CUBN: variants seen among roughly 807,000 people sequenced by gnomAD.
The protein encoded by CUBN is 460 kDa receptor.
CUBN carries 282 observed loss-of-function variants against 405.3 expected under a neutral mutation model. The observed-to-expected ratio is 0.70, with a 90% CI of 0.63 to 0.77. The LOEUF (loss-of-function observed/expected upper bound fraction) is 0.77. CUBN is among the 30% of genes least tolerant of loss of function. CUBN has a pLI of 0.00. For synonymous variants in CUBN, 1,684 were observed against 1,617.0 expected, an observed-to-expected ratio of 1.04 and a Z score of -0.99; for missense variants, 4,514 against 4,475.2, an observed-to-expected ratio of 1.01 and a Z score of -0.25.
At position 17,103,163 on chromosome 10, in the gene CUBN, C is replaced by A; in HGVS notation, c.1492G>T (p.Val498Phe). 1 of 1,613,840 alleles carries A rather than the reference C, an allele frequency of 6.2e-7. No individual in the cohort carries two copies. The highest frequency in any genetic ancestry group is 8.5e-7 in the Non-Finnish European group (1 of 1,179,818). Reference protein sequence around the residue: ...RSPDVGYVHDVNCFWVIKTEM... With the variant: ...RSPDVGYVHDFNCFWVIKTEM... ...GTTTTGATAACCCAGAAGCAGTTAA[C>A]ATCATGAACATAACCAACATCCGGG... Residue 498 changes from valine (V) to phenylalanine (F), a missense_variant, in exon 13 of 67, where the codon GTT becomes TTT. By Grantham distance (50) the Val-to-Phe change is conservative. Transcript: ENST00000377833.
At chr10:17,032,506 G>A (rs930153722) in intron 27 of CUBN, among the ~76,000 whole-genome samples, 1 of 152,138 alleles carries the variant, frequency 6.6e-6, no homozygotes, top group Non-Finnish European at 1.5e-5. Context: ...CTGTTCTCCT[G>A]TGAGCATACT....
At chr10:16,842,522 CTCTT>C (rs934748364) in intron 60 of CUBN, among the ~76,000 whole-genome samples, 6 of 152,162 alleles carry the variant, frequency 3.9e-5, no homozygotes, top group African/African-American at 1.4e-4. Context: ...CTCTCTCTCT[CTCTT>C]CACTCCACAA....
At chr10:16,875,917 C>T (rs572615853) in intron 57 of CUBN, among the ~76,000 whole-genome samples, 19 of 152,210 alleles carry the variant, frequency 1.2e-4, no homozygotes, top group East Asian at 9.7e-4. Flanking sequence ...AACAAGACGA[C>T]GGGAGAGGAA....
chr10:16,912,761 A>G (rs1202547665), intron 48 of CUBN, among the ~76,000 whole-genome samples: 1 of 152,160 alleles, frequency 6.6e-6, no homozygotes, highest in African/African-American at 2.4e-5. Flanking sequence ...GAGATAAGAC[A>G]AACAGGTAGA....
chr10:17,090,074 C>T (rs1213794673), intron 14 of CUBN, among the ~76,000 whole-genome samples: 1 of 152,208 alleles, frequency 6.6e-6, no homozygotes, highest in Admixed American at 6.5e-5. Context: ...CACGATCGCA[C>T]CCTGTCTCAA....
intron 50 of CUBN, among the ~76,000 whole-genome samples, chr10:16,904,536 A>G (rs1158681020): frequency 1.3e-5 from 2 of 152,240 alleles, no homozygotes; most frequent in African/African-American, 4.8e-5. Context: ...TTTCTTCACT[A>G]TATTCAATCA....
intron 31 of CUBN, among the ~76,000 whole-genome samples, chr10:16,964,993 A>G (rs540487077): frequency 6.6e-6 from 1 of 152,200 alleles, no homozygotes; most frequent in South Asian, 2.1e-4. Context: ...TTTCTCCCTT[A>G]CCTACATTTC....
intron 54 of CUBN, among the ~76,000 whole-genome samples, chr10:16,893,901 A>C (rs1841107233): frequency 6.6e-6 from 1 of 152,208 alleles, no homozygotes; most frequent in South Asian, 2.1e-4. Flanking sequence ...GGTAAATATT[A>C]TGCAATTGGT....
chr10:17,042,476 T>A (rs567119381), intron 26 of CUBN, among the ~76,000 whole-genome samples: 6 of 152,274 alleles, frequency 3.9e-5, no homozygotes, highest in African/African-American at 1.4e-4. Context: ...TTGCCTCTTA[T>A]GTGCACTCAT....
At chr10:17,043,705 C>T (rs910940814) in intron 26 of CUBN, 122 bp downstream of exon 26, 50 of 1,360,276 alleles carry the variant, frequency 3.7e-5, no homozygotes, top group Non-Finnish European at 5.1e-5. Context: ...AATTTGAAGG[C>T]CCACTCTAGG....
intron 27 of CUBN, 73 bp from the exon 28 acceptor site, chr10:17,020,056 G>C (rs1216208848): frequency 6.4e-7 from 1 of 1,552,082 alleles, no homozygotes; most frequent in South Asian, 1.1e-5. Flanking sequence ...GTCTACACAA[G>C]TAGCAAAAGC....
chr10:16,915,140 T>C lies in CUBN; in HGVS notation c.7243A>G (p.Ile2415Val), dbSNP rs1273599390. ...CTAGAAGTGTCTATGCTGTCAGGAATGGTGTTTCCACAGTATCTGCCCAAG... is the reference window on the plus strand; with the variant it reads ...CTAGAAGTGTCTATGCTGTCAGGAACGGTGTTTCCACAGTATCTGCCCAAG... The part of the protein sequence containing the change: ...NILGRYCGNT[I>V]PDSIDTSSNT... Residue 2415 changes from isoleucine to valine, a missense_variant, in exon 47 of 67, where the codon ATT becomes GTT. By Grantham distance (29) the Ile-to-Val change is conservative. Around this residue, in one of 5 missense-constraint regions of CUBN, gnomAD observed 1,613 missense variants for 1,542.8 expected, o/e 1.05. Transcript: ENST00000377833. 1 of 1,613,934 alleles carries C rather than the reference T, an allele frequency of 6.2e-7. No individual in the cohort carries two copies. Among genetic ancestry groups the C allele is most frequent in the African/African-American group, 1.3e-5 (1 of 74,924 alleles).
chr10:16,989,805 C>T (rs1260743747), intron 29 of CUBN, among the ~76,000 whole-genome samples: 2 of 152,204 alleles, frequency 1.3e-5, no homozygotes, highest in Non-Finnish European at 1.5e-5. Context: ...CTGGCGGCCC[C>T]TTGAAGAGCA....
intron 43 of CUBN, among the ~76,000 whole-genome samples, chr10:16,922,428 C>T: frequency 6.6e-6 from 1 of 152,184 alleles, no homozygotes; most frequent in South Asian, 2.1e-4. Flanking sequence ...TGGTCTCTCT[C>T]TCTTCAGCCT....
intron 36 of CUBN, among the ~76,000 whole-genome samples, chr10:16,946,490 CTTTTT>C (rs775415655): frequency 1.3e-4 from 16 of 121,044 alleles, no homozygotes; most frequent in South Asian, 2.8e-4. Context: ...AAAACCATTC[CTTTTT>C]TTTTTTTTTT....
intron 59 of CUBN, among the ~76,000 whole-genome samples, chr10:16,864,602 A>G (rs1008770860): frequency 8.6e-5 from 13 of 151,420 alleles, no homozygotes; most frequent in Non-Finnish European, 1.8e-4. Context: ...TCACCAAGCA[A>G]TGATATCATG....
At chr10:17,089,008 T>C (rs529506703) in intron 14 of CUBN, among the ~76,000 whole-genome samples, 32 of 152,296 alleles carry the variant, frequency 2.1e-4, no homozygotes, top group Admixed American at 1.0e-3. Flanking sequence ...AATACCCACA[T>C]TTATTTAACA....
intron 17 of CUBN, among the ~76,000 whole-genome samples, chr10:17,074,577 A>G (rs1013447888): frequency 1.3e-5 from 2 of 152,178 alleles, no homozygotes; most frequent in African/African-American, 4.8e-5. Flanking sequence ...TTACAAGTAG[A>G]GTGTAAATTG....
intron 17 of CUBN, 61 bp downstream of exon 17, chr10:17,084,210 T>A (rs1836043188): frequency 3.2e-6 from 5 of 1,543,084 alleles, no homozygotes; most frequent in Non-Finnish European, 4.5e-6. Context: ...AGACCACCAC[T>A]CTGCAGAATA....
Sources: allele counts gnomAD v4.1 joint callset (sites outside exome capture counted in the v4.1 genomes callset), GRCh38; gene constraint gnomAD v4.1.1; regional missense constraint gnomAD v4.1.1; transcripts MANE v1.5; gene names NCBI Gene and HGNC (gene_info 2026-07-23, HGNC 2026-07-21).